The following PCMTD1 variants were observed in gnomAD, a reference collection of about 807,000 sequenced individuals.
PCMTD1 encodes the protein protein-L-isoaspartate (D-aspartate) O-methyltransferase domain containing 1, also known as protein-L-isoaspartate O-methyltransferase domain-containing protein 1.
PCMTD1 carries 12 observed loss-of-function variants against 37.6 expected under a neutral mutation model. That is an observed-to-expected ratio of 0.32 (90% confidence interval 0.20 to 0.52). The LOEUF is 0.52. Among genes scored for constraint, PCMTD1 ranks in the 20% least tolerant of loss-of-function variants. PCMTD1 has a pLI of 0.97. For missense variants in PCMTD1, 235 were observed against 421.3 expected, an observed-to-expected ratio of 0.56 and a Z score of 3.87; for synonymous variants, 117 against 135.8, an observed-to-expected ratio of 0.86 and a Z score of 0.96.
At position 51,835,487 on chromosome 8, in the gene PCMTD1, G is replaced by T. The variant is rs368873242; in HGVS notation, c.411-1798C>A. On this transcript the variant is annotated intron_variant, in intron 3 of 5. Transcript: ENST00000522514. Reference sequence around the variant, plus strand: ...ATAATTTTTGGCTTTTAAGTAATTAGATACTGTAGATCACATGGTTTAATC... The same window carrying T: ...ATAATTTTTGGCTTTTAAGTAATTATATACTGTAGATCACATGGTTTAATC... Among the ~76,000 whole-genome samples, 116 of 152,182 alleles carry T rather than the reference G, an allele frequency of 7.6e-4. 1 individual carries two copies. The highest frequency in any genetic ancestry group is 3.4e-3 in the Middle Eastern group (1 of 292).
At chr8:51,867,581 A>C (rs2038575414) in intron 1 of PCMTD1, among the ~76,000 whole-genome samples, 1 of 151,744 alleles carries the variant, frequency 6.6e-6, no homozygotes, top group Non-Finnish European at 1.5e-5. Context: ...TACATATAAA[A>C]TCCATTTATA....
intron 5 of PCMTD1, among the ~76,000 whole-genome samples, chr8:51,823,964 G>A (rs1221006247): frequency 6.6e-6 from 1 of 152,132 alleles, no homozygotes; most frequent in Non-Finnish European, 1.5e-5. Context: ...TATCTCAACA[G>A]ATGCAGAAAA....
At chr8:51,823,326 TG>T (rs2037875449) in intron 5 of PCMTD1, among the ~76,000 whole-genome samples, 1 of 152,118 alleles carries the variant, frequency 6.6e-6, no homozygotes, top group African/African-American at 2.4e-5. Flanking sequence ...TAGCCGGGCA[TG>T]GTGGTACACG....
At chr8:51,822,157 G>C (rs1052865104) in intron 5 of PCMTD1, among the ~76,000 whole-genome samples, 8 of 152,190 alleles carry the variant, frequency 5.3e-5, no homozygotes, top group Non-Finnish European at 1.5e-5. Flanking sequence ...AAAGGTAAAT[G>C]AGCTTAGCAT....
intron 2 of PCMTD1, among the ~76,000 whole-genome samples, chr8:51,854,358 C>CA (rs2038351874): frequency 7.3e-6 from 1 of 136,406 alleles, no homozygotes; most frequent in Non-Finnish European, 1.6e-5. Context: ...ACTCCACAAC[C>CA]AGTGTAAGTG....
chr8:51,850,095 G>T (rs2038282772), intron 2 of PCMTD1: 3 of 702,168 alleles, frequency 4.3e-6, no homozygotes, highest in Non-Finnish European at 7.8e-6. Context: ...TACTGGTGTG[G>T]TGAGAAAGAT....
chr8:51,863,756 T>C lies in PCMTD1; in HGVS notation c.-95-2510A>G, dbSNP rs1384601504. ...GGCCAACATGGTGAAACCCTGTCTC[T>C]ACTAAAAATACAAAAAAAAATTTAG... On this transcript the variant is annotated intron_variant, in intron 1 of 5. Coordinates refer to ENST00000522514, the MANE Select transcript of PCMTD1 (RefSeq NM_052937.4). Among the ~76,000 whole-genome samples the C allele has an allele frequency of 2.0e-5, 3 of 152,204 alleles. No individual in the cohort carries two copies. In the East Asian group the frequency reaches 5.8e-4, roughly 29 times the overall value.
intron 5 of PCMTD1, among the ~76,000 whole-genome samples, chr8:51,830,328 C>T (rs13277070): frequency 0.06 from 9,188 of 152,258 alleles, 373 homozygotes; most frequent in Non-Finnish European, 0.087. Context: ...GAAGCAGGTT[C>T]GTGCCACCTG....
chr8:51,845,431 A>C (rs1311312771), intron 3 of PCMTD1: 7 of 379,432 alleles, frequency 1.8e-5, no homozygotes, highest in Non-Finnish European at 3.4e-5. Flanking sequence ...ATTCAACATT[A>C]CTAATAAAGT....
At chr8:51,837,227 A>T (rs928440622) in intron 3 of PCMTD1, among the ~76,000 whole-genome samples, 2 of 152,180 alleles carry the variant, frequency 1.3e-5, no homozygotes, top group Non-Finnish European at 2.9e-5. Flanking sequence ...TCTCTAAATT[A>T]ATAAATTTCT....
chr8:51,874,799 T>C (rs2038689276), intron 1 of PCMTD1, among the ~76,000 whole-genome samples: 1 of 152,222 alleles, frequency 6.6e-6, no homozygotes, highest in African/African-American at 2.4e-5. Flanking sequence ...ATGTGATGTT[T>C]TCCCCATTCA....
At chr8:51,898,125 A>G (rs574531528) in intron 1 of PCMTD1, among the ~76,000 whole-genome samples, 2 of 152,198 alleles carry the variant, frequency 1.3e-5, no homozygotes, top group South Asian at 4.2e-4. Context: ...GGGGAAAAAC[A>G]CTGCTAAAAG....
At chr8:51,897,951 A>C (rs565739933) in intron 1 of PCMTD1, among the ~76,000 whole-genome samples, 2 of 152,220 alleles carry the variant, frequency 1.3e-5, no homozygotes, top group Admixed American at 6.5e-5. Context: ...GAAAAAAAAA[A>C]TCCTGAATAA....
At chr8:51,837,822 C>T (rs2038089526) in intron 3 of PCMTD1, among the ~76,000 whole-genome samples, 1 of 152,106 alleles carries the variant, frequency 6.6e-6, no homozygotes, top group South Asian at 2.1e-4. Flanking sequence ...CTTTGTTGCC[C>T]AGGCTGGAGT....
At chr8:51,877,963 C>G (rs13265006) in intron 1 of PCMTD1, among the ~76,000 whole-genome samples, 27,341 of 152,124 alleles carry the variant, frequency 0.18, 2,880 homozygotes, top group Non-Finnish European at 0.23. Flanking sequence ...GCAGAAAACT[C>G]TGTGTGTGTG....
chr8:51,899,128 G>A (rs1457874326), upstream of PCMTD1: 3 of 1,395,618 alleles, frequency 2.1e-6, no homozygotes, highest in South Asian at 3.0e-5. Context: ...AGAACCACGG[G>A]CACAGGGGCA....
chr8:51,877,466 G>C (rs991093910), intron 1 of PCMTD1, among the ~76,000 whole-genome samples: 6 of 152,144 alleles, frequency 3.9e-5, no homozygotes, highest in African/African-American at 1.2e-4. Context: ...AGCATGCTAG[G>C]GCAAATATTT....
chr8:51,894,179 A>G (rs954259189), intron 1 of PCMTD1, among the ~76,000 whole-genome samples: 4 of 115,256 alleles, frequency 3.5e-5, no homozygotes, highest in Middle Eastern at 4.2e-3. Flanking sequence ...TGGGAGAAAG[A>G]AAAAAATTCC....
intron 1 of PCMTD1, among the ~76,000 whole-genome samples, chr8:51,896,695 TCA>T (rs1247228751): frequency 3.9e-5 from 6 of 152,190 alleles, no homozygotes; most frequent in Non-Finnish European, 8.8e-5. Flanking sequence ...CATTATAGTT[TCA>T]CACTATATTC....
Sources: allele counts gnomAD v4.1 joint callset (sites outside exome capture counted in the v4.1 genomes callset), GRCh38; gene constraint gnomAD v4.1.1; transcripts MANE v1.5; gene names NCBI Gene and HGNC (gene_info 2026-07-23, HGNC 2026-07-21).